The following CLSTN3 variants were observed in gnomAD, a reference collection of about 807,000 sequenced individuals.
CLSTN3 encodes the protein calsyntenin-3.
In CLSTN3, 36 loss-of-function variants were observed where a neutral mutation model predicts 95.9. The ratio of observed to expected loss-of-function variants is 0.38; its 90% CI spans 0.29 to 0.50. The LOEUF is 0.50. Ranked by LOEUF, CLSTN3 falls within the 20% of genes least tolerant of loss-of-function variation. The probability of loss-of-function intolerance (pLI) is 0.95; values close to 1 mark genes in which losing one functional copy is unlikely to be tolerated. For missense variants in CLSTN3, 1,084 were observed against 1,268.8 expected (o/e 0.85, Z 2.21); for synonymous variants, 481 against 504.0 (o/e 0.95, Z 0.61).
Position 7,141,543 on chromosome 12 carries a change from C to T in CLSTN3, c.1486+139C>T, listed in dbSNP as rs1939526680. The stretch of plus-strand genomic sequence containing the variant: ...AGCTGTGCAGGGTGACTCTGAAGAT[C>T]TCCATGGGAAGGGACCACAGCCTCC... On this transcript the variant is annotated intron_variant, in intron 9 of 17. Coordinates refer to ENST00000266546, the MANE Select transcript of CLSTN3 (RefSeq NM_014718.4). The surrounding 1 kb of genome is among the most constrained non-coding windows in gnomAD (Gnocchi z 4.1). The T allele has an allele frequency of 1.1e-6, 1 of 899,252 alleles. No individual in the cohort carries two copies. The highest frequency in any genetic ancestry group is 2.3e-5 in the Admixed American group (1 of 43,780). The allele number at this position is 899,252 out of a possible 1,614,324, so 55.7% of individuals were successfully genotyped here.
chr12:7,155,243 C>A (rs1049239972), intron 16 of CLSTN3, among the ~76,000 whole-genome samples: 5 of 152,218 alleles, frequency 3.3e-5, no homozygotes, highest in African/African-American at 1.2e-4. Context: ...TGATTTTTAT[C>A]TGTAGCTGAT....
chr12:7,148,070 C>T (rs1272401746), intron 12 of CLSTN3, among the ~76,000 whole-genome samples: 2 of 151,802 alleles, frequency 1.3e-5, no homozygotes, highest in African/African-American at 4.8e-5. Flanking sequence ...ACAGAGGAAT[C>T]GCTTGAACCC....
chr12:7,156,638 G>A (rs1469003171), intron 16 of CLSTN3: 1 of 456,754 alleles, frequency 2.2e-6, no homozygotes, highest in Non-Finnish European at 4.4e-6. Flanking sequence ...GCAGCTGTGT[G>A]CCCACACGGT....
chr12:7,149,623 C>G lies in CLSTN3; in HGVS notation c.2175C>G (p.Leu725=). The change falls in exon 14 of 18, where the codon CTC becomes CTG. Residue 725 remains leucine, a synonymous_variant. Coordinates refer to ENST00000266546, the MANE Select transcript of CLSTN3 (RefSeq NM_014718.4). The surrounding 1 kb of genome is among the most constrained non-coding windows in gnomAD (Gnocchi z 4.5). ...DDLDPERESL[L]LDTTSLQQRG... is the part of the protein sequence containing the mutation. Reference sequence around the variant, plus strand: ...TGGATCCCGAGCGGGAAAGCCTGCTCCTGGACACAACCTCTCTGCAGCAGC... The same window carrying G: ...TGGATCCCGAGCGGGAAAGCCTGCTGCTGGACACAACCTCTCTGCAGCAGC... The G allele has an allele frequency of 6.2e-7, 1 of 1,614,186 alleles. No individual in the cohort carries two copies. The highest frequency in any genetic ancestry group is 8.5e-7 in the Non-Finnish European group (1 of 1,180,036).
At position 7,150,750 on chromosome 12, in the gene CLSTN3, A is replaced by G; in HGVS notation, c.2391+61A>G. The G allele has an allele frequency of 5.0e-6, 8 of 1,592,622 alleles. No individual in the cohort carries two copies. Among genetic ancestry groups the G allele is most frequent in the Non-Finnish European group, 6.9e-6 (8 of 1,163,970 alleles). On this transcript the variant is annotated intron_variant, in intron 15 of 17. Transcript: ENST00000266546. This position sits in a 1 kb window ranked among gnomAD's most constrained non-coding sequence, Gnocchi z 4.0. Reference sequence around the variant, plus strand: ...ACCCCCAGAAAGGAGCTGAGGTGGCATGGACTCAAAATGTTAGTTGGTGGG... The same window carrying G: ...ACCCCCAGAAAGGAGCTGAGGTGGCGTGGACTCAAAATGTTAGTTGGTGGG...
chr12:7,133,149 A>G lies in CLSTN3; in HGVS notation c.187+3A>G, dbSNP rs1939338431. On this transcript the variant is annotated splice_donor_region_variant and intron_variant, in intron 2 of 17. Coordinates refer to ENST00000266546, the MANE Select transcript of CLSTN3 (RefSeq NM_014718.4). The surrounding 1 kb of genome is among the most constrained non-coding windows in gnomAD (Gnocchi z 4.7). ...GGATGCCCCGCTGCGCTATGCAGGT[A>G]ATTGGGATTGGGGGATGGCAAGGCA... 6.2e-7 allele frequency: 1 copy of G among 1,613,720 alleles called. No individual in the cohort carries two copies. Among genetic ancestry groups the G allele is most frequent in the Non-Finnish European group, 8.5e-7 (1 of 1,179,812 alleles).
In CLSTN3 at chr12:7,148,913, T is replaced by A. The variant is rs759908131; in HGVS notation, c.1848-59T>A. On this transcript the variant is annotated intron_variant, in intron 12 of 17. Coordinates refer to ENST00000266546, the MANE Select transcript of CLSTN3 (RefSeq NM_014718.4). Reference sequence around the variant, plus strand: ...CTGGGGCGGGGAGTGAAACAGAATGTGGGTTTTCGGGGAGGAAGTGTTGGG... The same window carrying A: ...CTGGGGCGGGGAGTGAAACAGAATGAGGGTTTTCGGGGAGGAAGTGTTGGG... 2.1e-6 allele frequency: 3 copies of A among 1,432,106 alleles called. No individual in the cohort carries two copies. In the East Asian group the frequency reaches 6.9e-5, roughly 33 times the overall value. 88.7% of individuals were successfully genotyped at this position (1,432,106 alleles called of 1,614,324 possible).
rs1245453980 is a variant in CLSTN3, at chr12:7,135,562, C to T, written c.592+27C>T. ...TGAGTCCACCCCTGGCTTCCCTGGC[C>T]ACCCAGTTCCCCTTGAGCACCCACC... is the stretch of plus-strand genomic sequence containing the variant. On this transcript the variant is annotated intron_variant, in intron 4 of 17. Transcript: ENST00000266546. The T allele has an allele frequency of 3.6e-5, 58 of 1,608,166 alleles. No homozygotes were observed. The Admixed American group carries it at 9.7e-4, about 27-fold the overall frequency.
At chr12:7,154,302 G>C (rs1939780671) in intron 16 of CLSTN3, among the ~76,000 whole-genome samples, 1 of 152,188 alleles carries the variant, frequency 6.6e-6, no homozygotes, top group Non-Finnish European at 1.5e-5. Flanking sequence ...TCCTCCAGTG[G>C]CACGGAGGCC....
chr12:7,140,328 C>T (rs1412177846), intron 8 of CLSTN3, among the ~76,000 whole-genome samples: 1 of 152,096 alleles, frequency 6.6e-6, no homozygotes, highest in East Asian at 1.9e-4. Flanking sequence ...TTGTGGGCAT[C>T]CAAGTGGAGA....
rs764138456 is a variant in CLSTN3, at chr12:7,149,270, T to C, written c.2074+72T>C. On this transcript the variant is annotated intron_variant, in intron 13 of 17. Transcript: ENST00000266546. This position sits in a 1 kb window ranked among gnomAD's most constrained non-coding sequence, Gnocchi z 4.5. Reference sequence around the variant, plus strand: ...GTCTGGAGTCAGAGTGTGGGAGAACTCCTGGGGCTGGAAGCAGAAAGCGAC... The same window carrying C: ...GTCTGGAGTCAGAGTGTGGGAGAACCCCTGGGGCTGGAAGCAGAAAGCGAC... 7.7e-7 allele frequency: 1 copy of C among 1,290,806 alleles called. No individual in the cohort carries two copies. The highest frequency in any genetic ancestry group is 1.5e-5 in the African/African-American group (1 of 68,078). 80.0% of individuals were successfully genotyped at this position (1,290,806 alleles called of 1,614,324 possible).
Sources: gnomAD v4.1 joint callset for allele counts (sites outside exome capture counted in the v4.1 genomes callset) on GRCh38, gnomAD v4.1.1 for gene constraint, Gnocchi (gnomAD v3.1) non-coding constraint, MANE v1.5 for transcripts, NCBI Gene and HGNC (gene_info 2026-07-23, HGNC 2026-07-21) for gene names.